Variants in GHR observed in about 807,000 individuals in gnomAD.
GHR encodes the protein growth hormone receptor.
A neutral mutation model predicts 67.1 loss-of-function variants in GHR; 35 were observed. The observed-to-expected ratio is 0.52, with a 90% CI of 0.40 to 0.69. The LOEUF (loss-of-function observed/expected upper bound fraction) is 0.69. GHR is among the 30% of genes least tolerant of loss of function. The pLI, the probability that GHR is intolerant of heterozygous loss-of-function variation, is 0.00. For synonymous variants in GHR, 272 were observed against 269.1 expected (o/e 1.01, Z -0.10); for missense variants, 792 against 764.6 (o/e 1.04, Z -0.42).
At chr5:42,660,848 T>G (rs1295459086) in intron 3 of GHR, among the ~76,000 whole-genome samples, 1 of 152,110 alleles carries the variant, frequency 6.6e-6, no homozygotes, top group Non-Finnish European at 1.5e-5. Context: ...GCAAAGAAGT[T>G]GAAAACTCTG....
At chr5:42,441,392 C>T (rs1743564510) in intron 1 of GHR, among the ~76,000 whole-genome samples, 1 of 152,030 alleles carries the variant, frequency 6.6e-6, no homozygotes, top group Admixed American at 6.5e-5. Context: ...AATGAAGTGT[C>T]ATGGGAAATG....
intron 3 of GHR, among the ~76,000 whole-genome samples, chr5:42,654,822 G>A (rs1048016347): frequency 6.6e-6 from 1 of 152,116 alleles, no homozygotes; most frequent in Non-Finnish European, 1.5e-5. Flanking sequence ...GGAAGAGCAC[G>A]TACCTACTCT....
intron 1 of GHR, among the ~76,000 whole-genome samples, chr5:42,540,395 T>C (rs916871333): frequency 6.6e-6 from 1 of 152,172 alleles, no homozygotes; most frequent in African/African-American, 2.4e-5. Flanking sequence ...GAATTGTCCA[T>C]TTTCTACCTA....
intron 1 of GHR, among the ~76,000 whole-genome samples, chr5:42,523,934 T>C (rs1747586857): frequency 6.6e-6 from 1 of 152,154 alleles, no homozygotes; most frequent in Non-Finnish European, 1.5e-5. Flanking sequence ...GCCACCACCA[T>C]GTAAAAAGGG....
chr5:42,452,140 A>C (rs1324781918), intron 1 of GHR, among the ~76,000 whole-genome samples: 1 of 152,190 alleles, frequency 6.6e-6, no homozygotes, highest in Non-Finnish European at 1.5e-5. Flanking sequence ...GAAAAAGACT[A>C]TCTCTCCTTC....
At chr5:42,632,477 A>T (rs548856642) in intron 3 of GHR, among the ~76,000 whole-genome samples, 1 of 152,328 alleles carries the variant, frequency 6.6e-6, no homozygotes, top group African/African-American at 2.4e-5. Flanking sequence ...CTCTTGCTGT[A>T]ACCTCTTTCT....
At chr5:42,509,509 C>T (rs1343758828) in intron 1 of GHR, among the ~76,000 whole-genome samples, 1 of 152,216 alleles carries the variant, frequency 6.6e-6, no homozygotes, top group East Asian at 1.9e-4. Context: ...TCCTCCCAGT[C>T]TCAGTGACCA....
chr5:42,661,514 A>T (rs1250517322), intron 3 of GHR, among the ~76,000 whole-genome samples: 3 of 152,198 alleles, frequency 2.0e-5, no homozygotes. Flanking sequence ...AAGCTTCATA[A>T]GTGAAGGGGA....
intron 1 of GHR, among the ~76,000 whole-genome samples, chr5:42,492,075 T>A (rs1157182549): frequency 6.6e-6 from 1 of 152,224 alleles, no homozygotes; most frequent in African/African-American, 2.4e-5. Flanking sequence ...GTTCTGGCTT[T>A]TCCTTATACT....
intron 1 of GHR, among the ~76,000 whole-genome samples, chr5:42,556,941 G>A (rs1749343647): frequency 6.6e-6 from 1 of 152,168 alleles, no homozygotes; most frequent in African/African-American, 2.4e-5. Context: ...AGAGACTCAG[G>A]TTCTTGTAAC....
At chr5:42,528,405 G>A (rs183768062) in intron 1 of GHR, among the ~76,000 whole-genome samples, 154 of 152,258 alleles carry the variant, frequency 1.0e-3, no homozygotes, top group African/African-American at 2.8e-3. Flanking sequence ...GGAGAAAGCC[G>A]CTGCAAGTGT....
intron 3 of GHR, among the ~76,000 whole-genome samples, chr5:42,638,249 A>G (rs1754300744): frequency 1.3e-5 from 2 of 152,094 alleles, no homozygotes; most frequent in Admixed American, 1.3e-4. Flanking sequence ...GGAACTAATC[A>G]TCAAGTTTGT....
chr5:42,505,714 T>C (rs1436592086), intron 1 of GHR, among the ~76,000 whole-genome samples: 1 of 152,200 alleles, frequency 6.6e-6, no homozygotes, highest in East Asian at 1.9e-4. Context: ...ACCTATTACA[T>C]TGTCACATTG....
intron 1 of GHR, among the ~76,000 whole-genome samples, chr5:42,477,986 C>T (rs6861125): frequency 1.1e-4 from 17 of 151,144 alleles, no homozygotes; most frequent in East Asian, 1.9e-4. Context: ...GGTATTGCCT[C>T]GGTTTTCTTC....
chr5:42,498,418 C>T lies in GHR; in HGVS notation c.-11-67446C>T, dbSNP rs559832868. 8.5e-4 allele frequency among the ~76,000 whole-genome samples: 129 copies of T among 152,286 alleles called. 1 individual carries two copies. Among genetic ancestry groups the T allele is most frequent in the Non-Finnish European group, 1.4e-3 (98 of 68,024 alleles). On this transcript the variant is annotated intron_variant, in intron 1 of 9. Coordinates refer to ENST00000230882, the MANE Select transcript of GHR (RefSeq NM_000163.5). ...TTATATTAGTAATTATGAGGCAATT[C>T]TACCCACATTATCTCATTTAACTCC... is the stretch of plus-strand genomic sequence containing the variant.
rs767173148 is a variant in GHR, at chr5:42,719,250, A to T, written c.1743A>T (p.Thr581=). 6.2e-7 allele frequency: 1 copy of T among 1,614,060 alleles called. No individual in the cohort carries two copies. The highest frequency in any genetic ancestry group is 2.2e-5 in the East Asian group (1 of 44,876). ...SLTTAAGRPG[T]GEHVPGSEMP... ...CCACTGCTGCTGGGAGGCCTGGGAC[A>T]GGAGAACATGTTCCAGGTTCTGAGA... Residue 581 remains threonine, a synonymous_variant, in exon 10 of 10, where the codon ACA becomes ACT. Transcript: ENST00000230882.
intron 1 of GHR, chr5:42,550,065 T>G (rs1748938736): frequency 1.0e-6 from 1 of 969,684 alleles, no homozygotes; most frequent in Non-Finnish European, 1.2e-6. Flanking sequence ...TTGTTTGTAT[T>G]GTCTGCCTGA....
At chr5:42,453,978 C>T (rs1248793242) in intron 1 of GHR, among the ~76,000 whole-genome samples, 1 of 152,218 alleles carries the variant, frequency 6.6e-6, no homozygotes, top group Non-Finnish European at 1.5e-5. Context: ...ATTATTTTGT[C>T]TCACTTAGTG....
At position 42,550,406 on chromosome 5, in the gene GHR, A is replaced by G. The variant is rs76592622; in HGVS notation, c.-11-15458A>G. On this transcript the variant is annotated intron_variant, in intron 1 of 9. Transcript: ENST00000230882. Reference sequence around the variant, plus strand: ...CCCCAAGGTTCCCCTGGGCCCCATCACTACTAACCCTAGGCTTCTAGACAT... The same window carrying G: ...CCCCAAGGTTCCCCTGGGCCCCATCGCTACTAACCCTAGGCTTCTAGACAT... Among the ~76,000 whole-genome samples, 203 of 152,232 alleles carry G rather than the reference A, an allele frequency of 1.3e-3. 5 individuals are homozygous for G. The East Asian group carries it at 0.034, about 26-fold the overall frequency.
Sources: allele counts gnomAD v4.1 joint callset (sites outside exome capture counted in the v4.1 genomes callset), GRCh38; gene constraint gnomAD v4.1.1; transcripts MANE v1.5; gene names NCBI Gene and HGNC (gene_info 2026-07-23, HGNC 2026-07-21).